The following NOP9 variants were observed in gnomAD, a reference collection of about 807,000 sequenced individuals.
The protein encoded by NOP9 is nucleolar protein 9.
Under a neutral mutation model 63.0 loss-of-function variants are expected in NOP9, and 50 were observed. The observed-to-expected ratio is 0.79, with a 90% CI of 0.63 to 1.00. NOP9 has a LOEUF of 1.00. Ranked by LOEUF, NOP9 falls within the 50% of genes least tolerant of loss-of-function variation. The probability of loss-of-function intolerance (pLI) is 0.00; values close to 1 mark genes in which losing one functional copy is unlikely to be tolerated. For missense variants in NOP9, 758 were observed against 803.0 expected, an observed-to-expected ratio of 0.94 and a Z score of 0.68; for synonymous variants, 343 against 332.8, an observed-to-expected ratio of 1.03 and a Z score of -0.33.
the NOP9 span, chr14:24,292,561 A>G: frequency 6.2e-7 from 1 of 1,603,670 alleles, no homozygotes. Flanking sequence ...AGCCAGCCTT[A>G]CCATTCTGAC....
the NOP9 span, chr14:24,292,489 C>T: frequency 1.3e-6 from 2 of 1,483,342 alleles, no homozygotes; most frequent in African/African-American, 1.4e-5. Context: ...CTACTCTAGC[C>T]AACCAAGAGG....
upstream of NOP9, chr14:24,298,584 C>G: frequency 6.2e-6 from 1 of 160,008 alleles, no homozygotes; most frequent in Non-Finnish European, 1.4e-5. Flanking sequence ...AAGTTTTTTA[C>G]TTTTCTTTCT....
At chr14:24,274,532 G>A in the NOP9 span, among the ~76,000 whole-genome samples, 9 of 152,280 alleles carry the variant, frequency 5.9e-5, no homozygotes, top group African/African-American at 2.2e-4. Flanking sequence ...TTGCTTGAAG[G>A]CAAAAGGAGT....
rs765280407 is a variant in NOP9, at chr14:24,307,474, C to A, written c.*2379C>A. On this transcript the variant is annotated 3_prime_UTR_variant, in exon 10 of 10. Transcript: ENST00000267425. ...TCGCTGGGGTGGTGGAGCTGAGGTC[C>A]AGACCCTCCGTCCAAACTCCGAGCT... is the stretch of plus-strand genomic sequence containing the variant. 8 of 1,614,130 alleles carry A rather than the reference C, an allele frequency of 5.0e-6. 1 individual carries two copies. The South Asian group carries it at 8.8e-5, about 18-fold the overall frequency.
At chr14:24,303,599 A>G (rs1470534080) in intron 6 of NOP9, 133 bp from the exon 7 acceptor site, 1 of 874,156 alleles carries the variant, frequency 1.1e-6, no homozygotes, top group Non-Finnish European at 1.9e-6. Flanking sequence ...ACAGCAAGGC[A>G]TGACATCTGC....
At position 24,306,373 on chromosome 14, in the gene NOP9, C is replaced by G. The variant is rs146737422; in HGVS notation, c.*1278C>G. On this transcript the variant is annotated 3_prime_UTR_variant, in exon 10 of 10. Transcript: ENST00000267425. Reference sequence around the variant, plus strand: ...AAGCAGCCCCAGTATAGGCCTCTTACCCTTGTAGGGCTCCAGCTCTGACCA... The same window carrying G: ...AAGCAGCCCCAGTATAGGCCTCTTAGCCTTGTAGGGCTCCAGCTCTGACCA... The G allele has an allele frequency of 1.2e-6, 2 of 1,614,084 alleles. No homozygotes were observed. The highest frequency in any genetic ancestry group is 1.7e-6 in the Non-Finnish European group (2 of 1,180,036).
upstream of NOP9, chr14:24,299,410 T>A: frequency 3.4e-6 from 1 of 292,310 alleles, no homozygotes; most frequent in Non-Finnish European, 6.4e-6. Flanking sequence ...GATATGGGAA[T>A]CTGGCGCGGC....
At chr14:24,295,117 A>G (rs2041227687), upstream of NOP9, among the ~76,000 whole-genome samples, 1 of 152,232 alleles carries the variant, frequency 6.6e-6, no homozygotes, top group South Asian at 2.1e-4. Flanking sequence ...GCTGCAACAA[A>G]TAAGGGATTA....
the NOP9 span, among the ~76,000 whole-genome samples, chr14:24,281,234 G>A: frequency 6.6e-6 from 1 of 152,208 alleles, no homozygotes; most frequent in Non-Finnish European, 1.5e-5. Flanking sequence ...TGGTGTGTGG[G>A]GCCGAGGCCA....
the NOP9 span, chr14:24,291,719 C>T: frequency 5.3e-6 from 7 of 1,327,468 alleles, no homozygotes; most frequent in Admixed American, 1.2e-4. Flanking sequence ...GAGAAAAAGA[C>T]CAAAGACCAA....
intron 2 of NOP9, among the ~76,000 whole-genome samples, chr14:24,301,091 G>T (rs1170868656): frequency 6.6e-6 from 1 of 152,142 alleles, no homozygotes; most frequent in East Asian, 1.9e-4. Context: ...CGCAGGAGGA[G>T]AATTTTTTTT....
Position 24,301,669 on chromosome 14 carries a change from C to T in NOP9, c.755C>T (p.Thr252Ile), listed in dbSNP as rs146695481. The T allele has an allele frequency of 6.8e-6, 11 of 1,614,134 alleles. No homozygotes were observed. Among genetic ancestry groups the T allele is most frequent in the Non-Finnish European group, 9.3e-6 (11 of 1,179,992 alleles). Reference protein sequence around the residue: ...CKPADFEVPETFLNRLQDLSS... With the variant: ...CKPADFEVPEIFLNRLQDLSS... ...CCAGCTGATTTTGAAGTCCCTGAAA[C>T]CTTTTTGAATCGCCTTCAGGACCTG... Residue 252 changes from threonine (T) to isoleucine (I), a missense_variant, in exon 3 of 10, where the codon ACC becomes ATC. Coordinates refer to ENST00000267425, the MANE Select transcript of NOP9 (RefSeq NM_174913.3).
At chr14:24,286,168 T>C in the NOP9 span, among the ~76,000 whole-genome samples, 1 of 152,206 alleles carries the variant, frequency 6.6e-6, no homozygotes, top group African/African-American at 2.4e-5. Flanking sequence ...TGGCTTCTCC[T>C]TCACTGCTCA....
At chr14:24,296,630 G>A (rs189521265), upstream of NOP9, 3 of 1,613,766 alleles carry the variant, frequency 1.9e-6, no homozygotes, top group East Asian at 2.2e-5. Context: ...TGAAGGTAGG[G>A]AGGTGTGAGG....
intron 5 of NOP9, 75 bp from the exon 6 acceptor site, chr14:24,302,999 G>C: frequency 1.4e-6 from 2 of 1,445,676 alleles, no homozygotes; most frequent in South Asian, 1.5e-5. Flanking sequence ...AGTTGTTTTC[G>C]TTGGGAAGAT....
Position 24,307,307 on chromosome 14 carries a change from T to C in NOP9, c.*2212T>C. On this transcript the variant is annotated 3_prime_UTR_variant, in exon 10 of 10. Transcript: ENST00000267425. ...AGCCCTCTGCTCCATCATCACAAGT[T>C]GCCACTGTTGTGGAGCCCCTTGGCT... 2 of 1,527,342 alleles carry C rather than the reference T, an allele frequency of 1.3e-6. No homozygotes were observed. The highest frequency in any genetic ancestry group is 3.8e-5 in the Admixed American group (2 of 53,060). 94.6% of individuals were successfully genotyped at this position (1,527,342 alleles called of 1,614,324 possible). A position where few individuals can be genotyped will look rare whatever the true frequency, so the allele number is the denominator to read the frequency against.
chr14:24,306,568 C>G lies in NOP9; in HGVS notation c.*1473C>G. 6.2e-7 allele frequency: 1 copy of G among 1,612,692 alleles called. No individual in the cohort carries two copies. On this transcript the variant is annotated 3_prime_UTR_variant, in exon 10 of 10. Coordinates refer to ENST00000267425, the MANE Select transcript of NOP9 (RefSeq NM_174913.3). ...AAGAAGGGCAGGTCTTATCCCATGC[C>G]CCTTCCCTCTTTAGCTGCCCAACAT...
the NOP9 span, among the ~76,000 whole-genome samples, chr14:24,284,229 C>T: frequency 6.6e-6 from 1 of 152,200 alleles, no homozygotes; most frequent in Admixed American, 6.5e-5. Context: ...CGACCCCTCC[C>T]ACTCCTTTGA....
At chr14:24,296,635 G>A (rs777276413), upstream of NOP9, 2 of 1,613,664 alleles carry the variant, frequency 1.2e-6, no homozygotes, top group Non-Finnish European at 1.7e-6. Context: ...GTAGGGAGGT[G>A]TGAGGGGCTG....
Sources: gnomAD v4.1 joint callset for allele counts (sites outside exome capture counted in the v4.1 genomes callset) on GRCh38, gnomAD v4.1.1 for gene constraint, MANE v1.5 for transcripts, NCBI Gene and HGNC (gene_info 2026-07-23, HGNC 2026-07-21) for gene names.